SAMD3: variants seen among roughly 807,000 people sequenced by gnomAD.
SAMD3 encodes the protein sterile alpha motif domain-containing protein 3.
A neutral mutation model predicts 58.5 loss-of-function variants in SAMD3; 63 were observed. The observed-to-expected ratio is 1.08, with a 90% confidence interval of 0.88 to 1.33. The LOEUF is 1.33. SAMD3 is among the 40% of genes most tolerant of loss of function. The pLI is 0.00. For missense variants in SAMD3, 604 were observed against 608.4 expected (o/e 0.99, Z 0.08); for synonymous variants, 220 against 210.3 (o/e 1.05, Z -0.40).
chr6:130,163,890 C>G (rs894623794), intron 8 of SAMD3, among the ~76,000 whole-genome samples: 16 of 151,960 alleles, frequency 1.1e-4, no homozygotes, highest in Admixed American at 8.5e-4. Flanking sequence ...AAAGCTATTT[C>G]ATAGCTTTCA....
intron 5 of SAMD3, among the ~76,000 whole-genome samples, chr6:130,199,884 C>A (rs1433701128): frequency 1.3e-5 from 2 of 152,140 alleles, no homozygotes. Flanking sequence ...GCTCTCACAC[C>A]TGGCAATAAA....
In SAMD3 at chr6:130,214,336, C is replaced by T. The variant is rs1282196981; in HGVS notation, c.269+1G>A. ...ATAAGGCCATTTATGAACATACTCA[C>T]TCTCGAGCTGCTTCTGTTTGCATGA... is the stretch of plus-strand genomic sequence containing the variant. On this transcript the variant is annotated splice_donor_variant, in intron 4 of 11. Coordinates refer to ENST00000439090, the MANE Select transcript of SAMD3 (RefSeq NM_001017373.4). LOFTEE classifies it high-confidence loss of function. 1 of 1,584,664 alleles carries T rather than the reference C, an allele frequency of 6.3e-7. No individual in the cohort carries two copies. Among genetic ancestry groups the T allele is most frequent in the African/African-American group, 1.4e-5 (1 of 73,062 alleles).
chr6:130,244,747 ATAAAAAT>A lies in SAMD3; in HGVS notation c.-187-21941_-187-21935del, dbSNP rs1378657047. Among the ~76,000 whole-genome samples, 38 of 47,162 alleles carry A rather than the reference ATAAAAAT, an allele frequency of 8.1e-4. No homozygotes were observed. In the African/African-American group the frequency reaches 0.013, roughly 17 times the overall value. 30.9% of individuals were successfully genotyped at this position (47,162 alleles called of 152,430 possible). A position where few individuals can be genotyped will look rare whatever the true frequency, so the allele number is the denominator to read the frequency against. On this transcript the variant is annotated intron_variant, in intron 2 of 13. Coordinates refer to the SAMD3 transcript ENST00000368134. ...AGGACGAGCCTGTCTCAAAAAAAAA[ATAAAAAT>A]AAAAATAAAAATAAAAATAAAAATA...
intron 3 of SAMD3, 110 bp downstream of exon 3, chr6:130,215,085 A>T: frequency 3.4e-6 from 2 of 586,672 alleles, no homozygotes; most frequent in Non-Finnish European, 6.1e-6. Context: ...CCCCACATCC[A>T]CATTGACATG....
At chr6:130,202,348 T>C (rs1454698153) in intron 5 of SAMD3, among the ~76,000 whole-genome samples, 4 of 152,236 alleles carry the variant, frequency 2.6e-5, no homozygotes, top group African/African-American at 9.6e-5. Context: ...TTTGCATCAC[T>C]GGTCTTCATA....
At chr6:130,163,821 G>T (rs1790480363) in intron 8 of SAMD3, among the ~76,000 whole-genome samples, 1 of 152,030 alleles carries the variant, frequency 6.6e-6, no homozygotes, top group Non-Finnish European at 1.5e-5. Context: ...TGACTCACTA[G>T]GTAGTTTTTG....
intron 2 of SAMD3, among the ~76,000 whole-genome samples, chr6:130,307,635 G>A (rs77060909): frequency 0.17 from 25,593 of 152,078 alleles, 2,383 homozygotes; most frequent in East Asian, 0.36. Context: ...AAATAACTAT[G>A]ATCCTCAGTT....
At chr6:130,151,247 T>C (rs769685267) in intron 9 of SAMD3, among the ~76,000 whole-genome samples, 4 of 71,016 alleles carry the variant, frequency 5.6e-5, no homozygotes, top group Non-Finnish European at 1.1e-4. Flanking sequence ...TGCACAAAAC[T>C]GAGGCACATC....
At chr6:130,232,937 TGTG>T (rs1270641760) in intron 2 of SAMD3, among the ~76,000 whole-genome samples, 1 of 152,148 alleles carries the variant, frequency 6.6e-6, no homozygotes, top group East Asian at 1.9e-4. Context: ...ATTTCAGAGA[TGTG>T]GTACAAGCTT....
intron 2 of SAMD3, among the ~76,000 whole-genome samples, chr6:130,234,596 C>T (rs1214956761): frequency 6.6e-6 from 1 of 152,114 alleles, no homozygotes; most frequent in African/African-American, 2.4e-5. Flanking sequence ...TCCTGGATCA[C>T]TACCAAATCT....
chr6:130,173,613 C>T (rs1002436127), intron 8 of SAMD3, among the ~76,000 whole-genome samples: 19 of 152,204 alleles, frequency 1.2e-4, no homozygotes, highest in African/African-American at 4.1e-4. Context: ...AGGTGTCTGT[C>T]GACCCCTGTT....
chr6:130,293,785 C>T (rs1775465222), intron 2 of SAMD3, among the ~76,000 whole-genome samples: 1 of 151,724 alleles, frequency 6.6e-6, no homozygotes, highest in African/African-American at 2.4e-5. Context: ...ATGCTGAAAA[C>T]TTGTTTTTAG....
At chr6:130,297,604 C>A (rs1775612865) in intron 2 of SAMD3, among the ~76,000 whole-genome samples, 1 of 151,926 alleles carries the variant, frequency 6.6e-6, no homozygotes, top group Non-Finnish European at 1.5e-5. Context: ...TCAATGAGAT[C>A]CAAGAGAAAG....
chr6:130,354,402 T>G (rs1041684424), intron 1 of SAMD3, among the ~76,000 whole-genome samples: 1 of 152,146 alleles, frequency 6.6e-6, no homozygotes, highest in Non-Finnish European at 1.5e-5. Flanking sequence ...CTATTCACAA[T>G]AGCAGACATG....
intron 5 of SAMD3, among the ~76,000 whole-genome samples, chr6:130,208,803 A>C (rs957663272): frequency 1.3e-5 from 2 of 152,174 alleles, no homozygotes; most frequent in African/African-American, 4.8e-5. Context: ...ACTCATCCTA[A>C]ATCCATCCCC....
At chr6:130,228,802 C>T (rs907518188) in intron 2 of SAMD3, among the ~76,000 whole-genome samples, 8 of 152,206 alleles carry the variant, frequency 5.3e-5, no homozygotes, top group African/African-American at 1.2e-4. Flanking sequence ...GGGATTTCTA[C>T]GTGTGTCTGG....
chr6:130,227,227 G>T (rs1440433708), upstream of SAMD3, among the ~76,000 whole-genome samples: 1 of 152,032 alleles, frequency 6.6e-6, no homozygotes, highest in Non-Finnish European at 1.5e-5. Flanking sequence ...TACAATATTT[G>T]TTTTTTTGTA....
Position 130,214,440 on chromosome 6 carries a change from G to A in SAMD3, c.166C>T (p.Leu56=). Residue 56 remains leucine, a synonymous_variant, in exon 4 of 12, where the codon CTG becomes TTG. Transcript: ENST00000439090. The part of the protein sequence containing the change: ...LVKKIGHQAV[L]MDLIKKYKQN... The stretch of plus-strand genomic sequence containing the variant: ...TTGTATTTTTTAATTAAATCCATCA[G>A]AACAGCCTGGTGCCCAATTTTCTTT... 1.2e-6 allele frequency: 2 copies of A among 1,613,340 alleles called. No individual in the cohort carries two copies. Among genetic ancestry groups the A allele is most frequent in the South Asian group, 2.2e-5 (2 of 90,982 alleles).
chr6:130,335,330 C>A (rs1200778656), intron 1 of SAMD3, among the ~76,000 whole-genome samples: 1 of 152,236 alleles, frequency 6.6e-6, no homozygotes, highest in Non-Finnish European at 1.5e-5. Context: ...CTGACAAACA[C>A]ATCAAGGAAT....
Sources: allele counts gnomAD v4.1 joint callset (sites outside exome capture counted in the v4.1 genomes callset), GRCh38; gene constraint gnomAD v4.1.1; transcripts MANE v1.5; gene names NCBI Gene and HGNC (gene_info 2026-07-23, HGNC 2026-07-21).